Variants in MEF2C observed in about 807,000 individuals in gnomAD.
MEF2C encodes the protein myocyte enhancer factor 2C, also known as myocyte-specific enhancer factor 2C.
A neutral mutation model predicts 50.5 loss-of-function variants in MEF2C; 6 were observed. The ratio of observed to expected loss-of-function variants is 0.12; its 90% CI spans 0.07 to 0.23. The LOEUF (loss-of-function observed/expected upper bound fraction) is 0.23, where lower values mean the gene tolerates loss of function less well. MEF2C is among the 10% of genes least tolerant of loss of function. The pLI is 1.00. For missense variants in MEF2C, 276 were observed against 605.0 expected, an observed-to-expected ratio of 0.46 and a Z score of 5.70; for synonymous variants, 183 against 228.0, an observed-to-expected ratio of 0.80 and a Z score of 1.78.
chr5:88,750,493 C>A (rs926340846), intron 5 of MEF2C, among the ~76,000 whole-genome samples: 1 of 152,036 alleles, frequency 6.6e-6, no homozygotes, highest in African/African-American at 2.4e-5. Context: ...CAGGCGTGAC[C>A]CACTGCATCT....
At chr5:88,751,064 T>A in intron 5 of MEF2C, 1 of 982,254 alleles carries the variant, frequency 1.0e-6, no homozygotes, top group Non-Finnish European at 1.2e-6. Context: ...ATTGACTTGG[T>A]TCCTACTGTT....
At chr5:88,800,037 G>T (rs990401544) in intron 3 of MEF2C, among the ~76,000 whole-genome samples, 1 of 152,178 alleles carries the variant, frequency 6.6e-6, no homozygotes, top group Non-Finnish European at 1.5e-5. Flanking sequence ...CTAGAGAGCA[G>T]CAAAGGGCCT....
intron 2 of MEF2C, among the ~76,000 whole-genome samples, chr5:88,812,602 T>A (rs916059987): frequency 7.0e-6 from 1 of 143,706 alleles, no homozygotes. Context: ...GCTTATTTGA[T>A]AATTTTTTCT....
At chr5:88,838,907 T>C (rs774728934) in intron 1 of MEF2C, among the ~76,000 whole-genome samples, 1 of 152,174 alleles carries the variant, frequency 6.6e-6, no homozygotes, top group Non-Finnish European at 1.5e-5. Context: ...TCAAGCTCTT[T>C]AGGTACATTA....
intron 6 of MEF2C, chr5:88,741,422 T>C (rs1239061641): frequency 1.0e-6 from 1 of 985,314 alleles, no homozygotes; most frequent in Non-Finnish European, 1.2e-6. Flanking sequence ...CCTAAAATAA[T>C]TTGTATATCA....
chr5:88,804,468 C>A, intron 3 of MEF2C, 130 bp downstream of exon 3: 1 of 747,242 alleles, frequency 1.3e-6, no homozygotes, highest in Non-Finnish European at 2.2e-6. Context: ...AGATAATAAT[C>A]CTGGGTCTAT....
At chr5:88,899,557 C>A (rs1002931508) in intron 1 of MEF2C, among the ~76,000 whole-genome samples, 3 of 152,156 alleles carry the variant, frequency 2.0e-5, no homozygotes, top group African/African-American at 4.8e-5. Flanking sequence ...TAACTCAAAT[C>A]TTCCTACTTC....
chr5:88,778,588 C>T (rs565642700), intron 3 of MEF2C, among the ~76,000 whole-genome samples: 1 of 152,126 alleles, frequency 6.6e-6, no homozygotes, highest in East Asian at 1.9e-4. Flanking sequence ...ATCGAGAAAT[C>T]TTGTATGCTG....
intron 1 of MEF2C, among the ~76,000 whole-genome samples, chr5:88,847,579 G>A (rs1422337575): frequency 1.3e-5 from 2 of 152,070 alleles, no homozygotes; most frequent in East Asian, 3.9e-4. Context: ...CAGCTGACCT[G>A]GACAATATTT....
At chr5:88,772,824 A>G (rs183957297) in intron 3 of MEF2C, 3 of 985,430 alleles carry the variant, frequency 3.0e-6, no homozygotes, top group East Asian at 1.1e-4. Context: ...TCTGACAGCA[A>G]TGAGCAGGGA....
upstream of MEF2C, among the ~76,000 whole-genome samples, chr5:88,885,860 G>A (rs1013009563): frequency 1.4e-4 from 21 of 152,262 alleles, no homozygotes; most frequent in African/African-American, 4.8e-4. Context: ...ATGAATTATA[G>A]AGGGTATTTC....
intron 3 of MEF2C, among the ~76,000 whole-genome samples, chr5:88,778,814 G>A (rs1162969287): frequency 1.3e-5 from 2 of 152,202 alleles, no homozygotes; most frequent in Admixed American, 6.5e-5. Flanking sequence ...AGGAAAAGGA[G>A]AAACTGCAGA....
intron 6 of MEF2C, chr5:88,743,540 T>C: frequency 1.0e-6 from 1 of 980,564 alleles, no homozygotes; most frequent in African/African-American, 1.7e-5. Context: ...TACAAAAACA[T>C]AAGCAAAATT....
chr5:88,851,168 G>T (rs1484558331), intron 1 of MEF2C, among the ~76,000 whole-genome samples: 2 of 148,430 alleles, frequency 1.3e-5, no homozygotes, highest in Non-Finnish European at 3.0e-5. Flanking sequence ...GGGAGGTGGA[G>T]GTTGCAGTGA....
At position 88,743,865 on chromosome 5, in the gene MEF2C, T is replaced by C. The variant is rs538738859; in HGVS notation, c.637+5205A>G. Reference sequence around the variant, plus strand: ...ACATTCAAAATAAGAAAACAGATGTTAGTTTCTTTTTTATAAAATTATATC... The same window carrying C: ...ACATTCAAAATAAGAAAACAGATGTCAGTTTCTTTTTTATAAAATTATATC... On this transcript the variant is annotated intron_variant, in intron 6 of 10. Transcript: ENST00000504921. The C allele has an allele frequency of 1.6e-4, 151 of 964,408 alleles. 1 individual carries two copies. The African/African-American group carries it at 2.6e-3, about 16-fold the overall frequency. 59.7% of individuals were successfully genotyped at this position (964,408 alleles called of 1,614,324 possible). A position where few individuals can be genotyped will look rare whatever the true frequency, so the allele number is the denominator to read the frequency against.
chr5:88,769,275 A>G (rs990520450), intron 3 of MEF2C, among the ~76,000 whole-genome samples: 1 of 152,306 alleles, frequency 6.6e-6, no homozygotes, highest in East Asian at 1.9e-4. Flanking sequence ...CTACTGCTCC[A>G]CTATTCTCCT....
At chr5:88,770,020 T>C (rs1561925759) in intron 3 of MEF2C, 2 of 984,918 alleles carry the variant, frequency 2.0e-6, no homozygotes, top group South Asian at 4.7e-5. Context: ...TAGGTTGTTT[T>C]GAAGAATGGG....
chr5:88,813,812 A>G (rs1480083469), intron 2 of MEF2C, among the ~76,000 whole-genome samples: 2 of 152,058 alleles, frequency 1.3e-5, no homozygotes, highest in Non-Finnish European at 2.9e-5. Flanking sequence ...TCTTTGTTTT[A>G]GGATGTGTTT....
intron 2 of MEF2C, among the ~76,000 whole-genome samples, chr5:88,810,396 G>GT (rs1303591855): frequency 3.3e-5 from 5 of 151,950 alleles, no homozygotes; most frequent in Admixed American, 6.6e-5. Flanking sequence ...TCAGAGAAAA[G>GT]TTTTTTTCTT....
Sources: gnomAD v4.1 joint callset for allele counts (sites outside exome capture counted in the v4.1 genomes callset) on GRCh38, gnomAD v4.1.1 for gene constraint, MANE v1.5 for transcripts, NCBI Gene and HGNC (gene_info 2026-07-23, HGNC 2026-07-21) for gene names.